The following SP100 variants were observed in gnomAD, a reference collection of about 807,000 sequenced individuals.
SP100 encodes the protein nuclear autoantigen Sp-100.
A neutral mutation model predicts 130.0 loss-of-function variants in SP100; 84 were observed. The ratio of observed to expected loss-of-function variants is 0.65; its 90% CI spans 0.54 to 0.77. The LOEUF (loss-of-function observed/expected upper bound fraction) is 0.77. SP100 is among the 30% of genes least tolerant of loss of function. The pLI is 0.00. For synonymous variants in SP100, 331 were observed against 351.7 expected (o/e 0.94, Z 0.66); for missense variants, 978 against 1,052.2 (o/e 0.93, Z 0.97).
chr2:230,534,522 A>C (rs1320137316), intron 24 of SP100, among the ~76,000 whole-genome samples: 2 of 152,216 alleles, frequency 1.3e-5, no homozygotes, highest in African/African-American at 2.4e-5. Flanking sequence ...AAGAGTAAAA[A>C]TTTCAAGTTC....
intron 5 of SP100, among the ~76,000 whole-genome samples, chr2:230,448,249 T>A (rs2063797451): frequency 6.6e-6 from 1 of 152,038 alleles, no homozygotes; most frequent in Non-Finnish European, 1.5e-5. Flanking sequence ...AGGATGTAAG[T>A]ACCTAGAGGA....
In SP100 at chr2:230,534,970, G is replaced by A. The variant is rs57255026; in HGVS notation, c.2095-4297G>A. Among the ~76,000 whole-genome samples the A allele has an allele frequency of 4.5e-3, 688 of 152,280 alleles. 3 individuals are homozygous for A. Among genetic ancestry groups the A allele is most frequent in the African/African-American group, 0.016 (668 of 41,546 alleles). On this transcript the variant is annotated intron_variant, in intron 24 of 28. Transcript: ENST00000340126. ...CCAGCACTTTGGGAGGCCAAGACGG[G>A]TGGATCACAAGGTCAGGAGTTCGAG...
At chr2:230,535,354 T>C (rs1290752837) in intron 24 of SP100, among the ~76,000 whole-genome samples, 2 of 152,206 alleles carry the variant, frequency 1.3e-5, no homozygotes, top group Non-Finnish European at 2.9e-5. Flanking sequence ...GAAAAACTGA[T>C]ACATTCATAA....
chr2:230,506,254 G>A, intron 21 of SP100, 49 bp from the exon 22 acceptor site: 1 of 1,606,158 alleles, frequency 6.2e-7, no homozygotes, highest in Non-Finnish European at 8.5e-7. Flanking sequence ...GGGAGGCCAA[G>A]TTCAGGTGTT....
In SP100 at chr2:230,531,912, A is replaced by G. The variant is rs574518944; in HGVS notation, c.2095-7355A>G. On this transcript the variant is annotated intron_variant, in intron 24 of 28. Transcript: ENST00000340126. ...AAGAATAATTGGAGGTTGGTTTCCT[A>G]TTTATTTGTTTTTGCTCCTAATTTT... 2.6e-3 allele frequency among the ~76,000 whole-genome samples: 403 copies of G among 152,192 alleles called. 4 individuals are homozygous for G. The highest frequency in any genetic ancestry group is 4.4e-3 in the Non-Finnish European group (298 of 67,982).
At chr2:230,446,962 T>C (rs1022025943) in intron 5 of SP100, 60 bp downstream of exon 5, 9 of 982,180 alleles carry the variant, frequency 9.2e-6, no homozygotes, top group Non-Finnish European at 1.4e-5. Flanking sequence ...AGGTTCTGAG[T>C]GGAGATTGTG....
At chr2:230,518,605 T>A (rs1691031368) in intron 24 of SP100, among the ~76,000 whole-genome samples, 1 of 151,898 alleles carries the variant, frequency 6.6e-6, no homozygotes, top group South Asian at 2.1e-4. Flanking sequence ...AGATTATAAA[T>A]TACATTAAAA....
At chr2:230,515,571 AAAG>A (rs1194734296) in intron 24 of SP100, 7 of 1,599,740 alleles carry the variant, frequency 4.4e-6, no homozygotes, top group African/African-American at 1.3e-5. Context: ...AAAGCAAGAA[AAAG>A]AAGGAAGAGG....
chr2:230,493,990 A>G (rs910869670), intron 17 of SP100: 2 of 177,894 alleles, frequency 1.1e-5, no homozygotes, highest in Non-Finnish European at 2.3e-5. Flanking sequence ...CTCCTGGCCT[A>G]CAAGTGATTC....
chr2:230,432,285 CA>C, intron 2 of SP100, among the ~76,000 whole-genome samples: 1 of 152,140 alleles, frequency 6.6e-6, no homozygotes, highest in East Asian at 1.9e-4. Context: ...TTTCATTTGC[CA>C]GTCAATGGAA....
intron 17 of SP100, among the ~76,000 whole-genome samples, chr2:230,493,134 C>T (rs2066476380): frequency 6.6e-6 from 1 of 152,078 alleles, no homozygotes; most frequent in African/African-American, 2.4e-5. Flanking sequence ...CTTTTTTCAT[C>T]AAGTATTTAT....
chr2:230,421,516 T>TAC (rs202127891), intron 2 of SP100, among the ~76,000 whole-genome samples: 1,883 of 149,858 alleles, frequency 0.013, 31 homozygotes, highest in African/African-American at 0.043. Flanking sequence ...TATATATATA[T>TAC]ATATATCCTA....
intron 23 of SP100, 70 bp from the exon 24 acceptor site, chr2:230,511,055 T>C: frequency 9.8e-7 from 1 of 1,018,502 alleles, no homozygotes; most frequent in East Asian, 2.4e-5. Context: ...AATAAAGAAG[T>C]CTGTTCAAAT....
intron 2 of SP100, among the ~76,000 whole-genome samples, chr2:230,439,962 G>A (rs907935036): frequency 6.6e-6 from 1 of 152,044 alleles, no homozygotes; most frequent in Non-Finnish European, 1.5e-5. Flanking sequence ...TATAAGGTCT[G>A]ATTTCACTCA....
chr2:230,467,613 C>T (rs911882971), intron 13 of SP100, among the ~76,000 whole-genome samples: 4 of 152,184 alleles, frequency 2.6e-5, no homozygotes, highest in African/African-American at 9.6e-5. Context: ...TGCTGGGAAA[C>T]TCCCCCTTAT....
At chr2:230,475,302 A>AT (rs1309546865) in intron 17 of SP100, among the ~76,000 whole-genome samples, 1 of 151,774 alleles carries the variant, frequency 6.6e-6, no homozygotes. Flanking sequence ...AATGTTGGGC[A>AT]TTTTTTTCAT....
At chr2:230,462,064 G>A (rs766733135) in intron 9 of SP100, among the ~76,000 whole-genome samples, 2 of 151,862 alleles carry the variant, frequency 1.3e-5, no homozygotes, top group African/African-American at 2.4e-5. Context: ...AGATGGGGAG[G>A]GAAACACATC....
intron 24 of SP100, among the ~76,000 whole-genome samples, chr2:230,535,194 T>C (rs1691877040): frequency 8.9e-6 from 1 of 112,456 alleles, no homozygotes; most frequent in African/African-American, 3.1e-5. Flanking sequence ...AGACTCCATC[T>C]CAAAAAAAAA....
chr2:230,503,722 T>C (rs1575763391), intron 20 of SP100, among the ~76,000 whole-genome samples: 1 of 152,322 alleles, frequency 6.6e-6, no homozygotes, highest in East Asian at 1.9e-4. Flanking sequence ...AGCAAAGCAG[T>C]TGGCAAAGAG....
Sources: gnomAD v4.1 joint callset for allele counts (sites outside exome capture counted in the v4.1 genomes callset) on GRCh38, gnomAD v4.1.1 for gene constraint, MANE v1.5 for transcripts, NCBI Gene and HGNC (gene_info 2026-07-23, HGNC 2026-07-21) for gene names.